The following PHACTR3 variants were observed in gnomAD, a reference collection of about 807,000 sequenced individuals.
PHACTR3 encodes protein phosphatase 1, regulatory subunit 123.
In PHACTR3, 16 loss-of-function variants were observed where a neutral mutation model predicts 66.8. That is an observed-to-expected ratio of 0.24 (90% CI 0.16 to 0.36). The LOEUF is 0.36. Ranked by LOEUF, PHACTR3 falls within the 10% of genes least tolerant of loss-of-function variation. PHACTR3 has a pLI of 1.00. For missense variants in PHACTR3, 647 were observed against 719.9 expected (o/e 0.90, Z 1.16); for synonymous variants, 323 against 292.1 (o/e 1.11, Z -1.08).
At chr20:59,626,513 G>A (rs1216948820) in intron 1 of PHACTR3, 1 of 152,368 alleles carries the variant, frequency 6.6e-6, no homozygotes, top group Non-Finnish European at 1.5e-5. Context: ...TAGGGCAGCA[G>A]GAACAGCAGG....
intron 1 of PHACTR3, among the ~76,000 whole-genome samples, chr20:59,682,231 T>G (rs2036686875): frequency 6.6e-6 from 1 of 151,994 alleles, no homozygotes; most frequent in Non-Finnish European, 1.5e-5. Flanking sequence ...TCCCAGCTAC[T>G]CGGCAGGCTG....
At chr20:59,609,701 C>T (rs368032142) in intron 1 of PHACTR3, among the ~76,000 whole-genome samples, 10 of 152,328 alleles carry the variant, frequency 6.6e-5, no homozygotes, top group African/African-American at 1.9e-4. Flanking sequence ...TTGTCTGTAC[C>T]ATGGCTCTTT....
At chr20:59,794,781 C>CAGGAAATG (rs764766037) in intron 7 of PHACTR3, among the ~76,000 whole-genome samples, 1 of 152,034 alleles carries the variant, frequency 6.6e-6, no homozygotes, top group Non-Finnish European at 1.5e-5. Context: ...TGTACGTGTC[C>CAGGAAATG]AGGAAATGAT....
chr20:59,691,357 C>T (rs1298215853), intron 1 of PHACTR3, among the ~76,000 whole-genome samples: 6 of 152,188 alleles, frequency 3.9e-5, no homozygotes, highest in African/African-American at 1.4e-4. Context: ...ACAGAGCCAA[C>T]CTACTTTTCT....
At chr20:59,643,399 G>C (rs2035173667) in intron 1 of PHACTR3, among the ~76,000 whole-genome samples, 1 of 152,088 alleles carries the variant, frequency 6.6e-6, no homozygotes. Context: ...AGTAGTGTTG[G>C]GGGAATTCAA....
At chr20:59,812,132 G>A (rs1265162665) in intron 8 of PHACTR3, among the ~76,000 whole-genome samples, 1 of 152,204 alleles carries the variant, frequency 6.6e-6, no homozygotes, top group East Asian at 1.9e-4. Flanking sequence ...CATTGCTGTT[G>A]ATGGGGCTTG....
At position 59,688,428 on chromosome 20, in the gene PHACTR3, A is replaced by G. The variant is rs564716171; in HGVS notation, c.119-54679A>G. On this transcript the variant is annotated intron_variant, in intron 1 of 12. Coordinates refer to ENST00000371015, the MANE Select transcript of PHACTR3 (RefSeq NM_080672.5). ...CTCCTTCATCCCAAACATCTGCTTTATGGGAAACCACAGGACTATATTGTT... is the reference window on the plus strand; with the variant it reads ...CTCCTTCATCCCAAACATCTGCTTTGTGGGAAACCACAGGACTATATTGTT... Among the ~76,000 whole-genome samples, 37 of 152,328 alleles carry G rather than the reference A, an allele frequency of 2.4e-4. 1 individual carries two copies. The highest frequency in any genetic ancestry group is 8.9e-4 in the African/African-American group (37 of 41,590).
At chr20:59,776,663 A>C (rs1426172390) in intron 7 of PHACTR3, among the ~76,000 whole-genome samples, 2 of 151,860 alleles carry the variant, frequency 1.3e-5, no homozygotes, top group Non-Finnish European at 2.9e-5. Flanking sequence ...CATTTTATTT[A>C]AACACAGAAG....
chr20:59,834,216 T>G (rs953902487), intron 8 of PHACTR3, among the ~76,000 whole-genome samples: 7 of 152,192 alleles, frequency 4.6e-5, no homozygotes, highest in Admixed American at 4.6e-4. Context: ...TCATTTCTAT[T>G]GCTCTAAAAG....
At chr20:59,681,867 G>A (rs1401516217) in intron 1 of PHACTR3, among the ~76,000 whole-genome samples, 1 of 152,070 alleles carries the variant, frequency 6.6e-6, no homozygotes, top group Non-Finnish European at 1.5e-5. Context: ...AAAATTAGCT[G>A]GGAGTGGTGG....
In PHACTR3 at chr20:59,836,508, G is replaced by T; in HGVS notation, c.1332G>T (p.Arg444=). ...TAATTTTAGTGTTTTTCCGCAGACGGCTGAGCCAAAGACCTGCCGTGGAAG... is the reference window on the plus strand; with the variant it reads ...TAATTTTAGTGTTTTTCCGCAGACGTCTGAGCCAAAGACCTGCCGTGGAAG... ...RQQIEMKLSK[R]LSQRPAVEEL... Residue 444 remains arginine (R), a synonymous_variant, in exon 9 of 13, where the codon CGG becomes CGT. Coordinates refer to ENST00000371015, the MANE Select transcript of PHACTR3 (RefSeq NM_080672.5). 6.8e-6 allele frequency: 11 copies of T among 1,607,532 alleles called. No homozygotes were observed. The highest frequency in any genetic ancestry group is 9.3e-6 in the Non-Finnish European group (11 of 1,177,844).
intron 8 of PHACTR3, among the ~76,000 whole-genome samples, chr20:59,827,702 C>G (rs1399043519): frequency 6.6e-6 from 1 of 152,092 alleles, no homozygotes; most frequent in Non-Finnish European, 1.5e-5. Context: ...AGCCCAGGCT[C>G]CAGGGGACAT....
chr20:59,712,144 A>G (rs532920908), intron 1 of PHACTR3, among the ~76,000 whole-genome samples: 1 of 152,182 alleles, frequency 6.6e-6, no homozygotes, highest in South Asian at 2.1e-4. Context: ...TTTTATCTTA[A>G]CCCTGAATCA....
chr20:59,803,174 T>C (rs748920415), intron 7 of PHACTR3, among the ~76,000 whole-genome samples: 21 of 152,210 alleles, frequency 1.4e-4, no homozygotes, highest in Non-Finnish European at 2.2e-4. Context: ...GACTGTCACA[T>C]GTCAAGACTA....
intron 4 of PHACTR3, among the ~76,000 whole-genome samples, chr20:59,765,466 A>G (rs1038255317): frequency 2.0e-5 from 3 of 152,178 alleles, no homozygotes; most frequent in African/African-American, 7.2e-5. Flanking sequence ...GAGGGAGAAC[A>G]ACACATACTC....
chr20:59,724,509 G>A (rs536472678), intron 1 of PHACTR3, among the ~76,000 whole-genome samples: 1 of 152,284 alleles, frequency 6.6e-6, no homozygotes, highest in South Asian at 2.1e-4. Flanking sequence ...GCTACTGAAT[G>A]AGTTCCATGC....
intron 11 of PHACTR3, chr20:59,843,639 G>C (rs2059102782): frequency 6.6e-6 from 1 of 151,962 alleles, no homozygotes; most frequent in East Asian, 1.9e-4. Flanking sequence ...TATGGCAAAA[G>C]AATGAAACTG....
At chr20:59,842,349 A>G (rs1014986617) in intron 11 of PHACTR3, among the ~76,000 whole-genome samples, 14 of 152,228 alleles carry the variant, frequency 9.2e-5, no homozygotes, top group Non-Finnish European at 2.1e-4. Flanking sequence ...CATTCTTCAT[A>G]TGCTGAGTAT....
At chr20:59,732,352 G>A (rs2038796172) in intron 1 of PHACTR3, among the ~76,000 whole-genome samples, 1 of 152,208 alleles carries the variant, frequency 6.6e-6, no homozygotes, top group Non-Finnish European at 1.5e-5. Flanking sequence ...AATGTAAAAT[G>A]GAGCTGAAAA....
Sources: allele counts gnomAD v4.1 joint callset (sites outside exome capture counted in the v4.1 genomes callset), GRCh38; gene constraint gnomAD v4.1.1; transcripts MANE v1.5; gene names NCBI Gene and HGNC (gene_info 2026-07-23, HGNC 2026-07-21).